Variants in ELAVL2 observed in about 807,000 individuals in gnomAD.
ELAVL2 encodes ELAV-like protein 2.
In ELAVL2, 4 loss-of-function variants were observed where a neutral mutation model predicts 34.6. The ratio of observed to expected loss-of-function variants is 0.12; its 90% CI spans 0.06 to 0.26. The LOEUF is 0.26. ELAVL2 is among the 10% of genes least tolerant of loss of function. The pLI is 1.00. For synonymous variants in ELAVL2, 193 were observed against 154.8 expected (o/e 1.25, Z -1.83); for missense variants, 432 against 442.8 (o/e 0.98, Z 0.22).
chr9:23,733,284 G>A (rs901453116), intron 2 of ELAVL2, among the ~76,000 whole-genome samples: 1 of 151,670 alleles, frequency 6.6e-6, no homozygotes, highest in Non-Finnish European at 1.5e-5. Flanking sequence ...ATATATATGT[G>A]TATATGAGAT....
At chr9:23,715,294 G>A (rs939433882) in intron 3 of ELAVL2, among the ~76,000 whole-genome samples, 13 of 152,062 alleles carry the variant, frequency 8.5e-5, no homozygotes, top group Admixed American at 2.0e-4. Flanking sequence ...GAACACAGGC[G>A]CCCGCCACCA....
intron 2 of ELAVL2, among the ~76,000 whole-genome samples, chr9:23,736,994 T>C (rs16907670): frequency 0.11 from 17,249 of 152,092 alleles, 1,437 homozygotes; most frequent in African/African-American, 0.22. Context: ...CTGAAGTCAT[T>C]TCCTGCCACA....
At chr9:23,740,632 G>A (rs894328098) in intron 2 of ELAVL2, among the ~76,000 whole-genome samples, 1 of 150,866 alleles carries the variant, frequency 6.6e-6, no homozygotes, top group Non-Finnish European at 1.5e-5. Flanking sequence ...ATCCATCCAA[G>A]AGACTATCTG....
At chr9:23,715,794 G>C (rs2042141785) in intron 3 of ELAVL2, among the ~76,000 whole-genome samples, 1 of 152,008 alleles carries the variant, frequency 6.6e-6, no homozygotes, top group Non-Finnish European at 1.5e-5. Flanking sequence ...GAGTTAGAAT[G>C]TTAAACTAAA....
At chr9:23,751,209 C>T (rs78707678) in intron 2 of ELAVL2, among the ~76,000 whole-genome samples, 1 of 151,922 alleles carries the variant, frequency 6.6e-6, no homozygotes, top group Non-Finnish European at 1.5e-5. Flanking sequence ...GCAGTATGTA[C>T]AAAACAGAGT....
At position 23,766,367 on chromosome 9, in the gene ELAVL2, A is replaced by C. The variant is rs575216827; in HGVS notation, c.-15-4118T>G. ...GCTTTACACCCATGAAAGATTTTTC[A>C]TAAGAACCCAACTGTAGTTAAGACT... On this transcript the variant is annotated intron_variant, in intron 1 of 6. Coordinates refer to ENST00000397312, the MANE Select transcript of ELAVL2 (RefSeq NM_004432.5). 7.2e-5 allele frequency among the ~76,000 whole-genome samples: 11 copies of C among 152,308 alleles called. No individual in the cohort carries two copies. In the East Asian group the frequency reaches 1.7e-3, roughly 24 times the overall value.
chr9:23,744,172 G>C (rs539094327), intron 2 of ELAVL2, among the ~76,000 whole-genome samples: 2 of 152,280 alleles, frequency 1.3e-5, no homozygotes, highest in African/African-American at 4.8e-5. Flanking sequence ...GGTACTCTCT[G>C]ATGCTCGCCC....
chr9:23,705,110 C>T (rs10966032), intron 3 of ELAVL2, 39 bp from the exon 4 acceptor site: 231,966 of 1,609,392 alleles, frequency 0.14, 18,006 homozygotes, highest in African/African-American at 0.26. Context: ...TATGCATGCT[C>T]ACTCACCCAC....
At chr9:23,809,850 C>A (rs2062745207) in intron 1 of ELAVL2, among the ~76,000 whole-genome samples, 1 of 152,082 alleles carries the variant, frequency 6.6e-6, no homozygotes, top group African/African-American at 2.4e-5. Flanking sequence ...GTTGGAGAAA[C>A]AGTAAAGTTG....
intron 3 of ELAVL2, 117 bp from the exon 4 acceptor site, chr9:23,705,188 AG>A (rs2038906935): frequency 1.7e-6 from 2 of 1,188,336 alleles, no homozygotes; most frequent in African/African-American, 1.5e-5. Context: ...CTGAAGTTCA[AG>A]CAAGTCAGGT....
chr9:23,802,251 T>A (rs1192803869), intron 1 of ELAVL2, among the ~76,000 whole-genome samples: 1 of 152,178 alleles, frequency 6.6e-6, no homozygotes, highest in Non-Finnish European at 1.5e-5. Context: ...TGTGTGGGCA[T>A]GTATTTATAG....
intron 2 of ELAVL2, among the ~76,000 whole-genome samples, chr9:23,757,935 A>AGAT (rs1233788819): frequency 1.3e-5 from 2 of 152,136 alleles, no homozygotes; most frequent in Admixed American, 1.3e-4. Flanking sequence ...TTTCCTAACT[A>AGAT]GATATTTTTG....
At chr9:23,724,141 G>A (rs1053078657) in intron 3 of ELAVL2, among the ~76,000 whole-genome samples, 3 of 152,140 alleles carry the variant, frequency 2.0e-5, no homozygotes, top group Non-Finnish European at 4.4e-5. Flanking sequence ...AGCATGCTTA[G>A]GTAACAAAAT....
intron 3 of ELAVL2, among the ~76,000 whole-genome samples, chr9:23,710,903 C>A (rs969907370): frequency 6.6e-6 from 1 of 152,066 alleles, no homozygotes; most frequent in Non-Finnish European, 1.5e-5. Flanking sequence ...GTATAGTACA[C>A]AGAAGAAGGG....
intron 2 of ELAVL2, among the ~76,000 whole-genome samples, chr9:23,751,541 C>T (rs2052034562): frequency 6.6e-6 from 1 of 152,080 alleles, no homozygotes; most frequent in African/African-American, 2.4e-5. Flanking sequence ...TTTGAACATC[C>T]CAAAACACAG....
intron 1 of ELAVL2, chr9:23,765,196 C>A: frequency 9.0e-7 from 1 of 1,109,806 alleles, no homozygotes; most frequent in South Asian, 1.5e-5. Context: ...TTGATATTCC[C>A]AGCACGTCCA....
chr9:23,824,698 C>G (rs983233770), intron 1 of ELAVL2, among the ~76,000 whole-genome samples: 1 of 152,226 alleles, frequency 6.6e-6, no homozygotes, highest in Non-Finnish European at 1.5e-5. Context: ...CCTGGATCCT[C>G]TCTTTGGCAG....
Position 23,701,620 on chromosome 9 carries a change from G to A in ELAVL2, c.488-16C>T. The A allele has an allele frequency of 6.2e-7, 1 of 1,610,154 alleles. No individual in the cohort carries two copies. Among genetic ancestry groups the A allele is most frequent in the Non-Finnish European group, 8.5e-7 (1 of 1,177,054 alleles). ...CTTGATATGCCTATGGTAGATTTGA[G>A]TAAAGATTTGGAAAAGAGGGAACAG... On this transcript the variant is annotated splice_polypyrimidine_tract_variant and intron_variant, in intron 4 of 6. Coordinates refer to ENST00000397312, the MANE Select transcript of ELAVL2 (RefSeq NM_004432.5).
At chr9:23,721,810 C>A (rs558458650) in intron 3 of ELAVL2, among the ~76,000 whole-genome samples, 48 of 152,280 alleles carry the variant, frequency 3.2e-4, no homozygotes, top group African/African-American at 1.1e-3. Flanking sequence ...TTAACCTTTT[C>A]TTTTCTCTAG....
Sources: gnomAD v4.1 joint callset for allele counts (sites outside exome capture counted in the v4.1 genomes callset) on GRCh38, gnomAD v4.1.1 for gene constraint, MANE v1.5 for transcripts, NCBI Gene and HGNC (gene_info 2026-07-23, HGNC 2026-07-21) for gene names.